Variants in FGF13 observed in about 807,000 individuals in gnomAD.
FGF13 encodes fibroblast growth factor 13.
Under a neutral mutation model 19.5 loss-of-function variants are expected in FGF13, and 2 were observed. That is an observed-to-expected ratio of 0.10 (90% CI 0.04 to 0.32). The LOEUF (loss-of-function observed/expected upper bound fraction) is 0.32. Ranked by LOEUF, FGF13 falls within the 10% of genes least tolerant of loss-of-function variation. The probability of loss-of-function intolerance (pLI) is 1.00; values close to 1 mark genes in which losing one functional copy is unlikely to be tolerated. For synonymous variants in FGF13, 72 were observed against 76.9 expected, an observed-to-expected ratio of 0.94 and a Z score of 0.33; for missense variants, 113 against 192.7, an observed-to-expected ratio of 0.59 and a Z score of 2.45.
At chrX:139,169,615 C>T (rs1396826441) in intron 1 of FGF13, among the ~76,000 whole-genome samples, 1 of 111,166 alleles carries the variant, frequency 9.0e-6, no homozygotes, top group Non-Finnish European at 1.9e-5. Context: ...TAAGCCACTG[C>T]GTCTGGCCCT....
chrX:138,626,854 T>C lies in FGF13; in HGVS notation c.*5996A>G, dbSNP rs898199038. The C allele has an allele frequency of 8.9e-6, 1 of 112,064 alleles. No homozygotes were observed. The highest frequency in any genetic ancestry group is 9.5e-5 in the Admixed American group (1 of 10,497). The allele number at this position is 112,064 out of a possible 1,213,427, so 9.2% of individuals were successfully genotyped here. ...GTTCTTAAGACCCATGAAAGTCAAA[T>C]ATTGTTCAAGCTGTTTTATTCAGCT... is the stretch of plus-strand genomic sequence containing the variant. On this transcript the variant is annotated 3_prime_UTR_variant, in exon 5 of 5. Coordinates refer to ENST00000315930, the MANE Select transcript of FGF13 (RefSeq NM_004114.5).
At chrX:139,030,308 G>T (rs2092221674) in intron 1 of FGF13, among the ~76,000 whole-genome samples, 1 of 111,186 alleles carries the variant, frequency 9.0e-6, no homozygotes, top group Non-Finnish European at 1.9e-5. Flanking sequence ...TTGAGTAAAT[G>T]GCAACGAAAG....
At chrX:138,933,064 T>G (rs1016198805) in intron 1 of FGF13, among the ~76,000 whole-genome samples, 10 of 111,551 alleles carry the variant, frequency 9.0e-5, no homozygotes, top group African/African-American at 2.3e-4. Flanking sequence ...TACACCATGC[T>G]GCCTTTAGAT....
Position 139,173,684 on chromosome X carries a change from A to C in FGF13, c.-113+29732T>G, listed in dbSNP as rs190208294. Reference sequence around the variant, plus strand: ...TTTCTGTTCCTGTGTAAGTTTGCTAAGAATGATGGTTTCCAGCTTCATTCA... The same window carrying C: ...TTTCTGTTCCTGTGTAAGTTTGCTACGAATGATGGTTTCCAGCTTCATTCA... On this transcript the variant is annotated intron_variant, in intron 1 of 2. Transcript: ENST00000421460. Among the ~76,000 whole-genome samples the C allele has an allele frequency of 1.4e-3, 154 of 111,286 alleles. 1 individual carries two copies. Among genetic ancestry groups the C allele is most frequent in the Non-Finnish European group, 2.3e-3 (123 of 53,108 alleles).
At chrX:138,961,741 G>A (rs1407747943) in intron 1 of FGF13, among the ~76,000 whole-genome samples, 1 of 111,807 alleles carries the variant, frequency 8.9e-6, no homozygotes, top group African/African-American at 3.3e-5. Context: ...AAGAAATGGG[G>A]AAATGATTCC....
intron 1 of FGF13, among the ~76,000 whole-genome samples, chrX:138,944,694 T>C (rs1400475325): frequency 9.0e-6 from 1 of 110,903 alleles, no homozygotes; most frequent in African/African-American, 3.3e-5. Context: ...TCTAAAGCAC[T>C]CTTGAGCAGC....
chrX:138,703,010 T>C lies in FGF13; in HGVS notation c.376A>G (p.Asn126Asp). Residue 126 changes from asparagine (N) to aspartate (D), a missense_variant, in exon 3 of 5, where the codon AAC (asparagine) becomes GAC (aspartate). Physicochemically the swap from Asn to Asp is conservative, Grantham distance 23. Around this residue, in one of 4 missense-constraint regions of FGF13, gnomAD observed 51 missense variants for 78.5 expected, o/e 0.65. Coordinates refer to ENST00000315930, the MANE Select transcript of FGF13 (RefSeq NM_004114.5). ...GAGGTGTACAAGTATCCCTCACTGT[T>C]CATTGCCAAGTACAGCTTGGTTTGA... ...GVQTKLYLAM[N>D]SEGYLYTSEL... 7.4e-6 allele frequency: 9 copies of C among 1,208,433 alleles called. No individual in the cohort carries two copies. Among genetic ancestry groups the C allele is most frequent in the Non-Finnish European group, 1.0e-5 (9 of 892,298 alleles).
intron 1 of FGF13, among the ~76,000 whole-genome samples, chrX:138,736,418 G>A (rs148862022): frequency 3.2e-3 from 358 of 111,374 alleles, no homozygotes; most frequent in African/African-American, 0.011. Flanking sequence ...ATTTTCTAGT[G>A]GTCTATACAG....
chrX:138,814,935 A>G (rs1308627723), intron 3 of FGF13, among the ~76,000 whole-genome samples: 2 of 111,863 alleles, frequency 1.8e-5, no homozygotes, highest in Non-Finnish European at 3.8e-5. Context: ...TATGGAATCA[A>G]CCTAAGTGTC....
chrX:138,854,453 G>A (rs1196009912), downstream of FGF13, among the ~76,000 whole-genome samples: 2 of 111,180 alleles, frequency 1.8e-5, no homozygotes, highest in Non-Finnish European at 3.8e-5. Context: ...TCTATAAAAA[G>A]ATGGGTGACT....
intron 1 of FGF13, among the ~76,000 whole-genome samples, chrX:139,072,436 T>C (rs1354993612): frequency 9.0e-6 from 1 of 111,256 alleles, no homozygotes; most frequent in African/African-American, 3.3e-5. Context: ...TATGAGAAAA[T>C]AAATTTCTGT....
intron 1 of FGF13, among the ~76,000 whole-genome samples, chrX:139,153,673 T>G (rs1262894462): frequency 9.0e-6 from 1 of 111,585 alleles, no homozygotes; most frequent in African/African-American, 3.3e-5. Flanking sequence ...AAAAGATACG[T>G]TTAAATCCTA....
At chrX:138,913,182 CTTTTTTTTT>C (rs35078012) in intron 1 of FGF13, among the ~76,000 whole-genome samples, 4 of 37,094 alleles carry the variant, frequency 1.1e-4, no homozygotes, top group Non-Finnish European at 1.7e-4. Context: ...AAAGCATCTA[CTTTTTTTTT>C]TTTTTTTTTT....
chrX:138,784,692 G>T (rs2090678893), intron 3 of FGF13, among the ~76,000 whole-genome samples: 1 of 111,312 alleles, frequency 9.0e-6, no homozygotes, highest in Non-Finnish European at 1.9e-5. Context: ...GACCTGCAAG[G>T]TACTGACCTC....
intron 3 of FGF13, among the ~76,000 whole-genome samples, chrX:138,697,585 G>A (rs920069971): frequency 3.6e-5 from 4 of 110,618 alleles, no homozygotes; most frequent in African/African-American, 1.3e-4. Flanking sequence ...TTGTCTATAC[G>A]TTTTGTCTGC....
At chrX:138,979,973 T>C (rs1478135898) in intron 1 of FGF13, among the ~76,000 whole-genome samples, 1 of 111,775 alleles carries the variant, frequency 8.9e-6, no homozygotes, top group Non-Finnish European at 1.9e-5. Context: ...ATAAACTGAA[T>C]GAGTTAATTG....
chrX:139,029,134 T>C (rs947446330), intron 1 of FGF13, among the ~76,000 whole-genome samples: 10 of 111,590 alleles, frequency 9.0e-5, no homozygotes, highest in Non-Finnish European at 1.7e-4. Flanking sequence ...GCATATATCA[T>C]GGTACTGAAG....
chrX:139,170,959 T>C (rs2084127689), intron 1 of FGF13, among the ~76,000 whole-genome samples: 1 of 111,799 alleles, frequency 8.9e-6, no homozygotes, highest in Non-Finnish European at 1.9e-5. Context: ...CTCAACTATG[T>C]GACAGCTGCC....
chrX:139,141,048 GATA>G (rs1338219764), intron 1 of FGF13, among the ~76,000 whole-genome samples: 1 of 11,409 alleles, frequency 8.8e-5, no homozygotes, highest in Non-Finnish European at 1.9e-4. Flanking sequence ...CTAGATAGAT[GATA>G]GATAGATAGA....
Sources: gnomAD v4.1 joint callset for allele counts (sites outside exome capture counted in the v4.1 genomes callset) on GRCh38, gnomAD v4.1.1 for gene constraint, gnomAD v4.1.1 regional missense constraint, MANE v1.5 for transcripts, NCBI Gene and HGNC (gene_info 2026-07-23, HGNC 2026-07-21) for gene names.